COL24A1: variants seen among roughly 807,000 people sequenced by gnomAD.
COL24A1 encodes the protein collagen alpha-1(XXIV) chain.
In COL24A1, 224 loss-of-function variants were observed where a neutral mutation model predicts 253.9. That is an observed-to-expected ratio of 0.88 (90% CI 0.79 to 0.99). The LOEUF (loss-of-function observed/expected upper bound fraction) is 0.99. Ranked by LOEUF, COL24A1 falls within the 50% of genes least tolerant of loss-of-function variation. The pLI is 0.00. For missense variants in COL24A1, 2,131 were observed against 2,068.5 expected (o/e 1.03, Z -0.59); for synonymous variants, 685 against 673.7 (o/e 1.02, Z -0.26).
At chr1:85,981,132 T>C (rs1050242088) in intron 20 of COL24A1, among the ~76,000 whole-genome samples, 27 of 152,092 alleles carry the variant, frequency 1.8e-4, no homozygotes, top group Admixed American at 3.9e-4. Context: ...TCATTCTTCA[T>C]GGAACTAGAA....
chr1:85,787,301 C>T (rs765326682), intron 47 of COL24A1, among the ~76,000 whole-genome samples: 13 of 152,000 alleles, frequency 8.6e-5, no homozygotes, highest in Middle Eastern at 3.4e-3. Context: ...CAGCTATCAA[C>T]CCATCACCTA....
intron 18 of COL24A1, among the ~76,000 whole-genome samples, chr1:86,017,736 C>T (rs1199689409): frequency 6.6e-6 from 1 of 152,148 alleles, no homozygotes; most frequent in African/African-American, 2.4e-5. Flanking sequence ...CTCAAAGAGT[C>T]ATTGGAGAGT....
chr1:85,880,737 CTTGAA>C (rs1304243889), intron 32 of COL24A1, among the ~76,000 whole-genome samples: 1 of 144,358 alleles, frequency 6.9e-6, no homozygotes, highest in Non-Finnish European at 1.5e-5. Flanking sequence ...TTTTTTTTAT[CTTGAA>C]TTGTTGTTGG....
chr1:86,077,841 T>C (rs1204936879), intron 7 of COL24A1, among the ~76,000 whole-genome samples: 1 of 130,750 alleles, frequency 7.6e-6, no homozygotes, highest in East Asian at 2.0e-4. Context: ...CCTGTGGGGG[T>C]TGGGGGGCTG....
chr1:86,031,003 C>T (rs1698522961), intron 14 of COL24A1, among the ~76,000 whole-genome samples: 1 of 152,100 alleles, frequency 6.6e-6, no homozygotes, highest in African/African-American at 2.4e-5. Flanking sequence ...TATTTGCACT[C>T]CCATGTTTAT....
At chr1:85,945,635 T>C (rs1354365538) in intron 24 of COL24A1, among the ~76,000 whole-genome samples, 4 of 147,754 alleles carry the variant, frequency 2.7e-5, no homozygotes, top group African/African-American at 1.0e-4. Context: ...GGCAACTAGA[T>C]ACATACTAAG....
intron 3 of COL24A1, among the ~76,000 whole-genome samples, chr1:86,119,873 G>A (rs6658390): frequency 1.9e-3 from 282 of 151,990 alleles, no homozygotes; most frequent in African/African-American, 6.2e-3. Context: ...GAGGCATCAC[G>A]CTACCTGACT....
intron 24 of COL24A1, among the ~76,000 whole-genome samples, chr1:85,918,649 G>T (rs917678176): frequency 2.0e-5 from 3 of 152,132 alleles, no homozygotes; most frequent in African/African-American, 7.2e-5. Flanking sequence ...GGAAATAATA[G>T]ATGAATTAGA....
intron 2 of COL24A1, among the ~76,000 whole-genome samples, chr1:86,141,819 G>A (rs1413971902): frequency 6.6e-6 from 1 of 151,520 alleles, no homozygotes; most frequent in African/African-American, 2.4e-5. Flanking sequence ...TTCTGCCTTA[G>A]CCTCCCAAGT....
chr1:86,044,440 T>TA (rs1332833785), intron 12 of COL24A1, among the ~76,000 whole-genome samples: 6 of 152,182 alleles, frequency 3.9e-5, no homozygotes. Context: ...ATAGCATACA[T>TA]AATATATTAC....
At chr1:85,933,027 T>G (rs1687908631) in intron 24 of COL24A1, among the ~76,000 whole-genome samples, 1 of 132,792 alleles carries the variant, frequency 7.5e-6, no homozygotes. Context: ...GCATGGCACA[T>G]GTATACATAT....
intron 47 of COL24A1, among the ~76,000 whole-genome samples, chr1:85,815,684 G>A (rs1672986756): frequency 6.6e-6 from 1 of 151,836 alleles, no homozygotes. Context: ...CACCATACTA[G>A]ATTTGAATAA....
At chr1:85,783,220 C>A (rs1057108450) in intron 51 of COL24A1, among the ~76,000 whole-genome samples, 1 of 150,724 alleles carries the variant, frequency 6.6e-6, no homozygotes, top group Non-Finnish European at 1.5e-5. Flanking sequence ...TTGTTCCTGG[C>A]GTGAGTTAAT....
intron 47 of COL24A1, among the ~76,000 whole-genome samples, chr1:85,803,260 A>G (rs1671619527): frequency 6.6e-6 from 1 of 151,850 alleles, no homozygotes; most frequent in Admixed American, 6.6e-5. Flanking sequence ...CCATTGTGAA[A>G]CCCCATCTCT....
intron 7 of COL24A1, among the ~76,000 whole-genome samples, chr1:86,083,221 T>C (rs1208149967): frequency 1.3e-5 from 2 of 151,500 alleles, no homozygotes; most frequent in Non-Finnish European, 2.9e-5. Flanking sequence ...TGGCGTGAAC[T>C]CAGAAGGCGG....
chr1:85,974,664 T>A (rs1160344712), intron 20 of COL24A1, among the ~76,000 whole-genome samples: 1 of 152,132 alleles, frequency 6.6e-6, no homozygotes, highest in African/African-American at 2.4e-5. Context: ...GGGCTTCCAA[T>A]GTTCTATTTA....
intron 7 of COL24A1, among the ~76,000 whole-genome samples, chr1:86,074,684 T>C (rs142427150): frequency 3.7e-4 from 57 of 152,240 alleles, no homozygotes; most frequent in African/African-American, 1.2e-3. Flanking sequence ...ACACTTGTTC[T>C]AAAATTGACC....
At chr1:86,152,470 T>C (rs1227210413) in intron 1 of COL24A1, among the ~76,000 whole-genome samples, 1 of 152,240 alleles carries the variant, frequency 6.6e-6, no homozygotes, top group Non-Finnish European at 1.5e-5. Context: ...TGTTTTGACT[T>C]GGGTCCCATC....
chr1:86,082,488 T>A (rs1490042997), intron 7 of COL24A1, among the ~76,000 whole-genome samples: 2 of 151,994 alleles, frequency 1.3e-5, no homozygotes, highest in Non-Finnish European at 2.9e-5. Flanking sequence ...CCCTGATTCC[T>A]GTATCCATCC....
Sources: gnomAD v4.1 joint callset for allele counts (sites outside exome capture counted in the v4.1 genomes callset) on GRCh38, gnomAD v4.1.1 for gene constraint, MANE v1.5 for transcripts, NCBI Gene and HGNC (gene_info 2026-07-23, HGNC 2026-07-21) for gene names.